PCDHA6: variants seen among roughly 807,000 people sequenced by gnomAD.
The protein encoded by PCDHA6 is protocadherin alpha 6.
PCDHA6 carries 55 observed loss-of-function variants against 60.3 expected under a neutral mutation model. The ratio of observed to expected loss-of-function variants is 0.91; its 90% CI spans 0.73 to 1.14. The LOEUF is 1.14. Ranked by LOEUF, PCDHA6 falls within the 50% of genes most tolerant of loss-of-function variation. The pLI, the probability that PCDHA6 is intolerant of heterozygous loss-of-function variation, is 0.00. For missense variants in PCDHA6, 1,327 were observed against 1,256.5 expected, an observed-to-expected ratio of 1.06 and a Z score of -0.85; for synonymous variants, 652 against 557.9, an observed-to-expected ratio of 1.17 and a Z score of -2.38.
chr5:140,841,468 G>A, intron 1 of PCDHA6: 1 of 1,612,986 alleles, frequency 6.2e-7, no homozygotes, highest in Non-Finnish European at 8.5e-7. Context: ...GCCGGATCGC[G>A]CAGGACCTGG....
rs116232949 is a variant in PCDHA6, at chr5:140,982,448, G to A, written c.2454-27G>A. The A allele has an allele frequency of 4.0e-3, 6,396 of 1,613,770 alleles. 180 individuals carry two copies. In the African/African-American group the frequency reaches 0.067, roughly 17 times the overall value. ...ATGGGAAAGAATTTATGATCTAACC[G>A]TTATCTGGGTCTGTGTGTTTATTCA... On this transcript the variant is annotated intron_variant, in intron 2 of 3. Coordinates refer to ENST00000529310, the MANE Select transcript of PCDHA6 (RefSeq NM_018909.4).
chr5:140,837,063 T>G, intron 1 of PCDHA6: 1 of 187,816 alleles, frequency 5.3e-6, no homozygotes, highest in South Asian at 1.4e-4. Flanking sequence ...TTCCATATTT[T>G]GATAATCAAT....
rs537367595 is a variant in PCDHA6, at chr5:140,855,783, A to G, written c.2394+25298A>G. The G allele has an allele frequency of 2.9e-4, 123 of 423,664 alleles. 6 individuals carry two copies. Among genetic ancestry groups the G allele is most frequent in the Non-Finnish European group, 4.5e-4 (106 of 237,548 alleles). 26.2% of individuals were successfully genotyped at this position (423,664 alleles called of 1,614,324 possible). On this transcript the variant is annotated intron_variant, in intron 1 of 3. Coordinates refer to ENST00000529310, the MANE Select transcript of PCDHA6 (RefSeq NM_018909.4). ...TCCATAGACATAAAAATACGTAAAA[A>G]AAGAATTAACATATGAATGAAAGAA...
At chr5:140,926,373 G>T (rs1040164585) in intron 1 of PCDHA6, 1 of 152,370 alleles carries the variant, frequency 6.6e-6, no homozygotes, top group African/African-American at 2.4e-5. Flanking sequence ...GGCAGGAAGA[G>T]CCCAGCTGGG....
rs2150165692 is a variant in PCDHA6 at position 140,829,308 on chromosome 5, C to T, written c.1217C>T (p.Ser406Leu). 9.3e-6 allele frequency: 15 copies of T among 1,614,240 alleles called. No homozygotes were observed. The highest frequency in any genetic ancestry group is 2.2e-5 in the East Asian group (1 of 44,882). Reference sequence around the variant, plus strand: ...GTGTCCACCTTCAAGAATTACTACTCGTTGGTGCTGGACAGTGCCCTGGAC... The same window carrying T: ...GTGTCCACCTTCAAGAATTACTACTTGTTGGTGCTGGACAGTGCCCTGGAC... ...KLVSTFKNYY[S>L]LVLDSALDRE... The change falls in exon 1 of 4, where the codon TCG (serine) becomes TTG (leucine). Residue 406 changes from serine (S) to leucine (L), a missense_variant. Ser to Leu is a moderately radical substitution (Grantham distance 145). Coordinates refer to ENST00000529310, the MANE Select transcript of PCDHA6 (RefSeq NM_018909.4).
intron 1 of PCDHA6, among the ~76,000 whole-genome samples, chr5:140,978,099 C>T (rs547323907): frequency 1.1e-4 from 17 of 152,292 alleles, no homozygotes; most frequent in African/African-American, 3.6e-4. Flanking sequence ...ACATAACTCC[C>T]CCAACAGTCT....
At position 140,917,315 on chromosome 5, in the gene PCDHA6, T is replaced by C. The variant is rs1015690007; in HGVS notation, c.2395-61634T>C. Among the ~76,000 whole-genome samples, 5 of 128,328 alleles carry C rather than the reference T, an allele frequency of 3.9e-5. No homozygotes were observed. In the East Asian group the frequency reaches 1.3e-3, roughly 32 times the overall value. 84.2% of individuals were successfully genotyped at this position (128,328 alleles called of 152,430 possible). A position where few individuals can be genotyped will look rare whatever the true frequency, so the allele number is the denominator to read the frequency against. On this transcript the variant is annotated intron_variant, in intron 1 of 3. Coordinates refer to ENST00000529310, the MANE Select transcript of PCDHA6 (RefSeq NM_018909.4). Reference sequence around the variant, plus strand: ...TGCAGATAGTTGTTACAATTTGGTGTTCATGTGGCGGGGGAGGGGGGGGAT... The same window carrying C: ...TGCAGATAGTTGTTACAATTTGGTGCTCATGTGGCGGGGGAGGGGGGGGAT...
intron 1 of PCDHA6, chr5:140,842,931 C>A: frequency 1.3e-6 from 2 of 1,594,502 alleles, no homozygotes; most frequent in Non-Finnish European, 1.7e-6. Flanking sequence ...CAGGTGAGCG[C>A]GCGCGACGCG....
At chr5:140,891,246 A>AT (rs1213637493) in intron 1 of PCDHA6, among the ~76,000 whole-genome samples, 11 of 151,766 alleles carry the variant, frequency 7.2e-5, no homozygotes, top group South Asian at 2.1e-4. Context: ...ATTCAGTAGG[A>AT]TTTTTTTTAA....
At chr5:140,863,619 G>T (rs929497963) in intron 1 of PCDHA6, 8 of 333,052 alleles carry the variant, frequency 2.4e-5, no homozygotes, top group South Asian at 1.3e-4. Context: ...CCCTCATAGT[G>T]ACATTGATAA....
intron 1 of PCDHA6, chr5:140,854,176 A>AAT: frequency 1.5e-6 from 1 of 663,712 alleles, no homozygotes; most frequent in Non-Finnish European, 1.9e-6. Flanking sequence ...AAAAAAAAAA[A>AAT]GAGTAGTTTA....
At chr5:140,978,805 T>G in intron 1 of PCDHA6, 144 bp from the exon 2 acceptor site, 4 of 1,492,524 alleles carry the variant, frequency 2.7e-6, no homozygotes, top group Non-Finnish European at 3.6e-6. Flanking sequence ...GTAGATATCA[T>G]CATAGAGTTA....
At chr5:140,971,434 A>T (rs1243393478) in intron 1 of PCDHA6, among the ~76,000 whole-genome samples, 1 of 152,188 alleles carries the variant, frequency 6.6e-6, no homozygotes, top group Non-Finnish European at 1.5e-5. Flanking sequence ...GAACCCCAAG[A>T]TCTACAGCTC....
At chr5:140,937,982 A>G (rs1227498616) in intron 1 of PCDHA6, among the ~76,000 whole-genome samples, 1 of 151,926 alleles carries the variant, frequency 6.6e-6, no homozygotes, top group Non-Finnish European at 1.5e-5. Flanking sequence ...TACTGATTTT[A>G]TGTTAACTTT....
chr5:140,877,087 G>C lies in PCDHA6; in HGVS notation c.2394+46602G>C. On this transcript the variant is annotated intron_variant, in intron 1 of 3. Transcript: ENST00000529310. ...GCTGCAGTTCCAGGTGAGCGCGCGC[G>C]ACGCCGGCGTGCCGCCTCTGGGCAG... 2.5e-6 allele frequency: 4 copies of C among 1,613,212 alleles called. No homozygotes were observed. The South Asian group carries it at 3.3e-5, about 13-fold the overall frequency.
chr5:140,902,171 A>T, intron 1 of PCDHA6, among the ~76,000 whole-genome samples: 1 of 144,502 alleles, frequency 6.9e-6, no homozygotes, highest in Non-Finnish European at 1.5e-5. Flanking sequence ...TCTAATTTGG[A>T]TGTCCTTTAT....
At chr5:140,963,594 C>G (rs549697848) in intron 1 of PCDHA6, among the ~76,000 whole-genome samples, 1 of 152,258 alleles carries the variant, frequency 6.6e-6, no homozygotes, top group South Asian at 2.1e-4. Flanking sequence ...GGATATAGTT[C>G]TAGACGTAAT....
intron 1 of PCDHA6, among the ~76,000 whole-genome samples, chr5:140,965,769 A>G (rs571022357): frequency 2.0e-5 from 3 of 152,376 alleles, no homozygotes; most frequent in Admixed American, 2.0e-4. Flanking sequence ...GTCAAATAAT[A>G]GATTTGCCTA....
At chr5:140,958,139 A>T (rs1196467618) in intron 1 of PCDHA6, among the ~76,000 whole-genome samples, 2 of 152,112 alleles carry the variant, frequency 1.3e-5, no homozygotes, top group African/African-American at 2.4e-5. Context: ...CAGTGTGTAT[A>T]TTTATATAGC....
Sources: gnomAD v4.1 joint callset for allele counts (sites outside exome capture counted in the v4.1 genomes callset) on GRCh38, gnomAD v4.1.1 for gene constraint, MANE v1.5 for transcripts, NCBI Gene and HGNC (gene_info 2026-07-23, HGNC 2026-07-21) for gene names.